The following IL1RAPL2 variants were observed in gnomAD, a reference collection of about 807,000 sequenced individuals.
The protein encoded by IL1RAPL2 is interleukin 1 receptor accessory protein like 2.
In IL1RAPL2, 3 loss-of-function variants were observed where a neutral mutation model predicts 44.1. That is an observed-to-expected ratio of 0.07 (90% CI 0.03 to 0.18). The LOEUF is 0.18. Among genes scored for constraint, IL1RAPL2 ranks in the 10% least tolerant of loss-of-function variants. The pLI is 1.00. For synonymous variants in IL1RAPL2, 181 were observed against 178.8 expected (o/e 1.01, Z -0.10); for missense variants, 391 against 496.4 (o/e 0.79, Z 2.02).
chrX:105,123,977 T>C (rs1432261895), intron 2 of IL1RAPL2, among the ~76,000 whole-genome samples: 2 of 110,970 alleles, frequency 1.8e-5, no homozygotes, highest in Non-Finnish European at 3.8e-5. Context: ...TTATGGTTCC[T>C]TTTGGAGGTA....
intron 2 of IL1RAPL2, among the ~76,000 whole-genome samples, chrX:105,156,594 G>C (rs915856489): frequency 2.7e-5 from 3 of 112,126 alleles, no homozygotes; most frequent in Non-Finnish European, 5.6e-5. Context: ...GACTTTGTTG[G>C]TTTAATTTTG....
intron 2 of IL1RAPL2, among the ~76,000 whole-genome samples, chrX:104,847,528 G>A (rs958507673): frequency 9.0e-6 from 1 of 110,820 alleles, no homozygotes; most frequent in Admixed American, 9.6e-5. Flanking sequence ...TTTCTGAGGG[G>A]TCTGTTCTGT....
chrX:104,981,056 TGTG>T (rs1378663707), intron 2 of IL1RAPL2, among the ~76,000 whole-genome samples: 1 of 25,195 alleles, frequency 4.0e-5, no homozygotes, highest in Non-Finnish European at 6.6e-5. Flanking sequence ...TCCAAGGTAT[TGTG>T]TGTGTGTGTG....
chrX:104,794,645 A>G (rs1417335959), intron 2 of IL1RAPL2, among the ~76,000 whole-genome samples: 3 of 112,208 alleles, frequency 2.7e-5, no homozygotes, highest in Admixed American at 9.4e-5. Flanking sequence ...CAAAAGAACA[A>G]GCTATGTTTT....
At chrX:105,634,848 A>G (rs1409125922) in intron 6 of IL1RAPL2, among the ~76,000 whole-genome samples, 1 of 111,498 alleles carries the variant, frequency 9.0e-6, no homozygotes, top group Non-Finnish European at 1.9e-5. Flanking sequence ...GAATTTTCTT[A>G]TTTAATTTAA....
intron 2 of IL1RAPL2, among the ~76,000 whole-genome samples, chrX:104,915,641 C>T (rs1480412518): frequency 2.7e-5 from 3 of 110,861 alleles, no homozygotes; most frequent in Non-Finnish European, 5.7e-5. Flanking sequence ...GAAGTCCTTG[C>T]CCATGCCTAT....
At chrX:104,941,612 C>T (rs765955913) in intron 2 of IL1RAPL2, among the ~76,000 whole-genome samples, 62 of 111,257 alleles carry the variant, frequency 5.6e-4, no homozygotes, top group African/African-American at 1.7e-3. Context: ...CTTTGTCAGA[C>T]GGGTAGATTG....
intron 5 of IL1RAPL2, among the ~76,000 whole-genome samples, chrX:105,465,381 G>C (rs1199187777): frequency 8.9e-6 from 1 of 112,048 alleles, no homozygotes; most frequent in African/African-American, 3.2e-5. Context: ...GAATGGAGAA[G>C]ACGCATTCTC....
intron 2 of IL1RAPL2, among the ~76,000 whole-genome samples, chrX:104,805,521 T>C (rs746033085): frequency 1.8e-4 from 20 of 111,520 alleles, no homozygotes; most frequent in Non-Finnish European, 3.4e-4. Flanking sequence ...GAAAGAGTAC[T>C]GGACTTGGAA....
intron 10 of IL1RAPL2, among the ~76,000 whole-genome samples, chrX:105,766,323 G>A (rs1421837186): frequency 1.8e-5 from 2 of 111,110 alleles, no homozygotes; most frequent in East Asian, 2.8e-4. Flanking sequence ...CCTATCTCTG[G>A]GTTTGAAGGG....
In IL1RAPL2 at chrX:105,023,367, A is replaced by G. The variant is rs749395587; in HGVS notation, c.83-172108A>G. Among the ~76,000 whole-genome samples the G allele has an allele frequency of 2.8e-3, 312 of 111,539 alleles. 1 individual carries two copies. Among genetic ancestry groups the G allele is most frequent in the African/African-American group, 9.6e-3 (297 of 30,819 alleles). The stretch of plus-strand genomic sequence containing the variant: ...CCCTGATCACCCTATCTAAAATTAC[A>G]CCATCGTGCTCCAGCCTCTTGTTTT... On this transcript the variant is annotated intron_variant, in intron 2 of 10. Coordinates refer to ENST00000372582, the MANE Select transcript of IL1RAPL2 (RefSeq NM_017416.2).
At chrX:105,673,575 A>G (rs930482567) in intron 6 of IL1RAPL2, among the ~76,000 whole-genome samples, 2 of 111,709 alleles carry the variant, frequency 1.8e-5, no homozygotes, top group African/African-American at 6.5e-5. Flanking sequence ...CCATTGATGG[A>G]CATTTGGGTT....
At chrX:105,556,126 A>C (rs1268785081) in intron 6 of IL1RAPL2, among the ~76,000 whole-genome samples, 2 of 111,831 alleles carry the variant, frequency 1.8e-5, no homozygotes, top group Non-Finnish European at 3.8e-5. Flanking sequence ...GCCTTACATG[A>C]AAGAGCTAAT....
At position 105,063,835 on chromosome X, in the gene IL1RAPL2, A is replaced by C. The variant is rs374354904; in HGVS notation, c.83-131640A>C. Among the ~76,000 whole-genome samples the C allele has an allele frequency of 3.6e-5, 4 of 111,664 alleles. No homozygotes were observed. The East Asian group carries it at 8.6e-4, about 24-fold the overall frequency. On this transcript the variant is annotated intron_variant, in intron 2 of 10. Transcript: ENST00000372582. Reference sequence around the variant, plus strand: ...GGTGGTCTTGGATAAGATCCAGAAAAATTATTTGAATTACCAGGTAGAAAC... The same window carrying C: ...GGTGGTCTTGGATAAGATCCAGAAACATTATTTGAATTACCAGGTAGAAAC...
chrX:104,663,833 AAC>A (rs1409332316), intron 2 of IL1RAPL2, among the ~76,000 whole-genome samples: 3 of 106,868 alleles, frequency 2.8e-5, no homozygotes, highest in Non-Finnish European at 3.8e-5. Flanking sequence ...AGCTGAGTGA[AAC>A]ACAGTTATTG....
chrX:105,422,263 T>C (rs1317907097), intron 5 of IL1RAPL2, among the ~76,000 whole-genome samples: 1 of 111,858 alleles, frequency 8.9e-6, no homozygotes, highest in Non-Finnish European at 1.9e-5. Context: ...TCTCTTGAGG[T>C]TCCAAGATAA....
intron 5 of IL1RAPL2, 35 bp from the exon 6 acceptor site, chrX:105,484,278 A>AT (rs2036251169): frequency 2.9e-6 from 3 of 1,023,641 alleles, no homozygotes; most frequent in Non-Finnish European, 2.8e-6. Flanking sequence ...ATTTATCTCA[A>AT]TTTTTCCATT....
chrX:105,001,559 CT>C (rs1320528755), intron 2 of IL1RAPL2, among the ~76,000 whole-genome samples: 5 of 111,571 alleles, frequency 4.5e-5, no homozygotes, highest in Non-Finnish European at 7.5e-5. Flanking sequence ...GTATTTGAAG[CT>C]TTTTAAATAA....
intron 5 of IL1RAPL2, among the ~76,000 whole-genome samples, chrX:105,466,454 A>G (rs951816223): frequency 1.8e-5 from 2 of 111,398 alleles, no homozygotes; most frequent in Non-Finnish European, 3.8e-5. Flanking sequence ...CTGATTGGTT[A>G]TAGAATATTA....
Sources: allele counts gnomAD v4.1 joint callset (sites outside exome capture counted in the v4.1 genomes callset), GRCh38; gene constraint gnomAD v4.1.1; transcripts MANE v1.5; gene names NCBI Gene and HGNC (gene_info 2026-07-23, HGNC 2026-07-21).